PJA2: variants seen among roughly 807,000 people sequenced by gnomAD.
The protein encoded by PJA2 is praja ring finger ubiquitin ligase 2.
In PJA2, 25 loss-of-function variants were observed where a neutral mutation model predicts 69.3. The ratio of observed to expected loss-of-function variants is 0.36; its 90% CI spans 0.26 to 0.50. The LOEUF (loss-of-function observed/expected upper bound fraction) is 0.50. Among genes scored for constraint, PJA2 ranks in the 20% least tolerant of loss-of-function variants. PJA2 has a pLI of 0.96. For synonymous variants in PJA2, 308 were observed against 277.8 expected (o/e 1.11, Z -1.08); for missense variants, 809 against 830.2 (o/e 0.97, Z 0.31).
intron 7 of PJA2, among the ~76,000 whole-genome samples, chr5:109,348,616 T>C (rs996918689): frequency 5.9e-5 from 9 of 151,984 alleles, no homozygotes; most frequent in Admixed American, 3.3e-4. Flanking sequence ...TCACCTGGAG[T>C]GTGAATCTCT....
intron 7 of PJA2, among the ~76,000 whole-genome samples, chr5:109,353,951 A>G (rs1473654273): frequency 1.5e-5 from 2 of 130,380 alleles, no homozygotes; most frequent in East Asian, 2.2e-4. Flanking sequence ...TCTATAGATT[A>G]GATGTCTATG....
chr5:109,382,985 T>C (rs570749884), intron 2 of PJA2, among the ~76,000 whole-genome samples: 1 of 152,052 alleles, frequency 6.6e-6, no homozygotes, highest in South Asian at 2.1e-4. Context: ...ACATATCGAG[T>C]ATAAATAATA....
At chr5:109,343,523 C>T (rs1270158091) in intron 9 of PJA2, among the ~76,000 whole-genome samples, 1 of 151,934 alleles carries the variant, frequency 6.6e-6, no homozygotes, top group Non-Finnish European at 1.5e-5. Context: ...TTGAGTAGTG[C>T]CAAAGGCTTC....
At chr5:109,372,796 T>C (rs1299250287) in intron 4 of PJA2, among the ~76,000 whole-genome samples, 1 of 150,102 alleles carries the variant, frequency 6.7e-6, no homozygotes, top group Non-Finnish European at 1.5e-5. Flanking sequence ...TCCCAGCTAC[T>C]CAGGAGGCTG....
At chr5:109,362,114 T>C (rs1358030821) in intron 6 of PJA2, among the ~76,000 whole-genome samples, 4 of 152,186 alleles carry the variant, frequency 2.6e-5, no homozygotes, top group African/African-American at 9.7e-5. Flanking sequence ...AAGAAACAAG[T>C]GTAAATACAC....
chr5:109,340,398 G>C (rs1175344673), intron 9 of PJA2, among the ~76,000 whole-genome samples: 1 of 151,776 alleles, frequency 6.6e-6, no homozygotes, highest in Non-Finnish European at 1.5e-5. Flanking sequence ...AAGACGGAAG[G>C]AAGGAAAGGA....
At chr5:109,350,871 A>G (rs564973747) in intron 7 of PJA2, among the ~76,000 whole-genome samples, 1 of 152,296 alleles carries the variant, frequency 6.6e-6, no homozygotes, top group African/African-American at 2.4e-5. Context: ...GACAGTCTTA[A>G]GATAATCAGT....
chr5:109,390,917 T>C (rs1196093347), intron 1 of PJA2, among the ~76,000 whole-genome samples: 1 of 152,160 alleles, frequency 6.6e-6, no homozygotes, highest in Non-Finnish European at 1.5e-5. Context: ...GGTTTTGGTT[T>C]ATGTTTGGGC....
In PJA2 at chr5:109,381,656, C is replaced by T; in HGVS notation, c.79G>A (p.Gly27Arg). 6.2e-7 allele frequency: 1 copy of T among 1,614,034 alleles called. No homozygotes were observed. ...GKAVWPKPAG[G>R]YQTITGRRYG... is the part of the protein sequence containing the mutation. ...CTCCTGCCTGTAATTGTCTGATACC[C>T]TCCTGCTGGTTTGGGCCAGACAGCC... Residue 27 changes from glycine (G) to arginine (R), a missense_variant, in exon 3 of 10, where the codon GGG (glycine) becomes AGG (arginine). Coordinates refer to ENST00000361189, the MANE Select transcript of PJA2 (RefSeq NM_014819.5).
intron 8 of PJA2, among the ~76,000 whole-genome samples, 160 bp from the exon 9 acceptor site, chr5:109,344,471 G>T (rs1435226307): frequency 6.6e-6 from 1 of 152,138 alleles, no homozygotes; most frequent in Non-Finnish European, 1.5e-5. Flanking sequence ...TGGCAATTTG[G>T]AATCTAATAA....
At chr5:109,400,507 G>T (rs1747517432) in intron 1 of PJA2, among the ~76,000 whole-genome samples, 2 of 143,196 alleles carry the variant, frequency 1.4e-5, no homozygotes, top group African/African-American at 2.6e-5. Flanking sequence ...GGGCGGGGGG[G>T]TGTCGCGGGC....
intron 1 of PJA2, chr5:109,390,745 T>C (rs1443059351): frequency 6.6e-6 from 1 of 152,138 alleles, no homozygotes; most frequent in African/African-American, 2.4e-5. Flanking sequence ...AATATCATTA[T>C]CTTAGTGGTT....
chr5:109,364,484 G>A (rs991936605), intron 5 of PJA2, among the ~76,000 whole-genome samples: 11 of 150,938 alleles, frequency 7.3e-5, no homozygotes, highest in African/African-American at 2.7e-4. Flanking sequence ...TTAGCCGGGC[G>A]TAGTGGCGGG....
chr5:109,402,704 A>C (rs1481317645), intron 1 of PJA2, among the ~76,000 whole-genome samples: 1 of 152,192 alleles, frequency 6.6e-6, no homozygotes, highest in Non-Finnish European at 1.5e-5. Context: ...AGCAGAATAC[A>C]CATTATTTTG....
intron 9 of PJA2, among the ~76,000 whole-genome samples, chr5:109,343,694 A>T (rs1270837817): frequency 2.0e-5 from 3 of 152,242 alleles, no homozygotes; most frequent in African/African-American, 7.2e-5. Flanking sequence ...TTAGTAAAAT[A>T]AAATATTTCC....
Position 109,337,282 on chromosome 5 carries a change from C to T in PJA2, c.2076G>A (p.Glu692=). 6.2e-7 allele frequency: 1 copy of T among 1,613,650 alleles called. No individual in the cohort carries two copies. Among genetic ancestry groups the T allele is most frequent in the Non-Finnish European group, 8.5e-7 (1 of 1,179,894 alleles). Residue 692 remains glutamate (E), a synonymous_variant, in exon 10 of 10, where the codon GAG becomes GAA. Coordinates refer to ENST00000361189, the MANE Select transcript of PJA2 (RefSeq NM_014819.5). ...VIEASAAPSS[E]PDPDAPPSND... is the part of the protein sequence containing the mutation. ...TTGAAGGTGGGGCATCAGGATCAGG[C>T]TCAGAGGAAGGAGCTGCAGATGCTT...
rs372695441 is a variant in PJA2 at position 109,356,579 on chromosome 5, C to T, written c.1653-553G>A. ...GAGGGATATAGTACATTTCCCCACCCGATTATTTCCCACATATTTCTCCTG... is the reference window on the plus strand; with the variant it reads ...GAGGGATATAGTACATTTCCCCACCTGATTATTTCCCACATATTTCTCCTG... On this transcript the variant is annotated intron_variant, in intron 6 of 9. Coordinates refer to ENST00000361189, the MANE Select transcript of PJA2 (RefSeq NM_014819.5). 2.8e-4 allele frequency among the ~76,000 whole-genome samples: 43 copies of T among 152,248 alleles called. No individual in the cohort carries two copies. The Middle Eastern group carries it at 0.014, about 48-fold the overall frequency.
chr5:109,345,195 A>AAC (rs1422286315), intron 7 of PJA2, among the ~76,000 whole-genome samples: 1 of 151,436 alleles, frequency 6.6e-6, no homozygotes, highest in Admixed American at 6.6e-5. Flanking sequence ...AAAAAAAAAA[A>AAC]AAAAAACAAA....
At chr5:109,396,188 ACTT>A (rs1359014599) in intron 1 of PJA2, among the ~76,000 whole-genome samples, 5 of 152,140 alleles carry the variant, frequency 3.3e-5, no homozygotes. Flanking sequence ...AGATATGATT[ACTT>A]CTATTTTCAT....
Sources: gnomAD v4.1 joint callset for allele counts (sites outside exome capture counted in the v4.1 genomes callset) on GRCh38, gnomAD v4.1.1 for gene constraint, MANE v1.5 for transcripts, NCBI Gene and HGNC (gene_info 2026-07-23, HGNC 2026-07-21) for gene names.